NUP155: variants seen among roughly 807,000 people sequenced by gnomAD.
The protein encoded by NUP155 is nuclear pore complex protein Nup155.
In NUP155, 71 loss-of-function variants were observed where a neutral mutation model predicts 180.4. The ratio of observed to expected loss-of-function variants is 0.39; its 90% CI spans 0.33 to 0.48. NUP155 has a LOEUF of 0.48. NUP155 is among the 20% of genes least tolerant of loss of function. The probability of loss-of-function intolerance (pLI) is 0.91; values close to 1 mark genes in which losing one functional copy is unlikely to be tolerated. For synonymous variants in NUP155, 582 were observed against 559.5 expected (o/e 1.04, Z -0.57); for missense variants, 1,553 against 1,648.9 (o/e 0.94, Z 1.01).
chr5:37,332,235 C>T (rs576460100), intron 13 of NUP155, among the ~76,000 whole-genome samples: 3 of 127,826 alleles, frequency 2.3e-5, no homozygotes, highest in South Asian at 2.8e-4. Context: ...CCAAATAGAT[C>T]AAAAGACTTA....
rs748510365 is a variant in NUP155 at position 37,324,015 on chromosome 5, T to G, written c.2184A>C (p.Ala728=). Residue 728 remains alanine, a synonymous_variant, in exon 20 of 35, where the codon GCA becomes GCC. Coordinates refer to ENST00000231498, the MANE Select transcript of NUP155 (RefSeq NM_153485.3). ...QEFLDRNSQF[A]GGPLGNPNTT... is the part of the protein sequence containing the mutation. ...ACTTTGGATTTCCTAATGGTCCTCC[T>G]GCAAACTGGGAGTTTCTGTCTAGAA... 12 of 1,611,306 alleles carry G rather than the reference T, an allele frequency of 7.4e-6. 1 individual carries two copies. In the South Asian group the frequency reaches 1.2e-4, roughly 16 times the overall value.
chr5:37,354,807 T>C (rs1294552873), intron 4 of NUP155, among the ~76,000 whole-genome samples: 1 of 151,330 alleles, frequency 6.6e-6, no homozygotes, highest in Non-Finnish European at 1.5e-5. Flanking sequence ...AAATGTCGGT[T>C]TGGGCTGGGC....
At chr5:37,360,574 T>C (rs1443075013) in intron 3 of NUP155, among the ~76,000 whole-genome samples, 2 of 148,278 alleles carry the variant, frequency 1.3e-5, no homozygotes, top group Non-Finnish European at 1.5e-5. Context: ...TCACCTGAGG[T>C]CAGGAATTCG....
rs1239709674 is a variant in NUP155 at position 37,304,765 on chromosome 5, C to G, written c.3136G>C (p.Val1046Leu). The change falls in exon 27 of 35, where the codon GTC (valine) becomes CTC (leucine). Residue 1046 changes from valine (V) to leucine (L), a missense_variant. Val to Leu is a conservative substitution (Grantham distance 32). Coordinates refer to ENST00000231498, the MANE Select transcript of NUP155 (RefSeq NM_153485.3). ...SIALYNWLIQ[V>L]DLADKLLQVA... ...TGTAGCAGCTTATCTGCAAGGTCGA[C>G]TTGTATTAGCCAATTATAAAGGGCA... The G allele has an allele frequency of 1.9e-6, 3 of 1,612,876 alleles. No homozygotes were observed. The highest frequency in any genetic ancestry group is 2.5e-6 in the Non-Finnish European group (3 of 1,179,106).
In NUP155 at chr5:37,291,015, T is replaced by A. The variant is rs1742208926; in HGVS notation, c.*885A>T. On this transcript the variant is annotated 3_prime_UTR_variant, in exon 35 of 35. Transcript: ENST00000231498. ...TAAGGGAAAACAGTACCTCCCTGTGTAGGTTTTCAGGACACAACATTAGTT... is the reference window on the plus strand; with the variant it reads ...TAAGGGAAAACAGTACCTCCCTGTGAAGGTTTTCAGGACACAACATTAGTT... 6.6e-6 allele frequency: 1 copy of A among 152,210 alleles called. No individual in the cohort carries two copies. Among genetic ancestry groups the A allele is most frequent in the Admixed American group, 6.6e-5 (1 of 15,262 alleles). The allele number at this position is 152,210 out of a possible 1,614,324, so 9.4% of individuals were successfully genotyped here.
At chr5:37,342,248 T>C (rs966567544) in intron 10 of NUP155, 6 of 276,034 alleles carry the variant, frequency 2.2e-5, no homozygotes, top group Admixed American at 4.9e-5. Context: ...GGTTTCACCA[T>C]GTTGCTCAGG....
chr5:37,338,196 T>C (rs1745470956), intron 11 of NUP155, among the ~76,000 whole-genome samples: 1 of 150,192 alleles, frequency 6.7e-6, no homozygotes, highest in African/African-American at 2.4e-5. Context: ...CAGGCACCTG[T>C]AATCCCAGCT....
Position 37,310,559 on chromosome 5 carries a change from C to G in NUP155, c.2621G>C (p.Cys874Ser). 6.2e-7 allele frequency: 1 copy of G among 1,611,982 alleles called. No homozygotes were observed. The highest frequency in any genetic ancestry group is 8.5e-7 in the Non-Finnish European group (1 of 1,178,478). The change falls in exon 23 of 35, where the codon TGT (cysteine) becomes TCT (serine). Residue 874 changes from cysteine (C) to serine (S), a missense_variant. By Grantham distance (112) the Cys-to-Ser change is moderately radical. Transcript: ENST00000231498. The part of the protein sequence containing the change: ...PLLYSTDDAI[C>S]SKANELLQRS... ...GGTAATAAAGTATCATACCTTAGAACAAATTGCATCATCAGTGCTATATAG... is the reference window on the plus strand; with the variant it reads ...GGTAATAAAGTATCATACCTTAGAAGAAATTGCATCATCAGTGCTATATAG...
chr5:37,346,676 AC>A (rs199629050), intron 9 of NUP155, among the ~76,000 whole-genome samples: 2,089 of 148,900 alleles, frequency 0.014, 49 homozygotes, highest in African/African-American at 0.049. Context: ...TGTCTCGGAA[AC>A]AAAAAAAAAA....
At chr5:37,316,745 G>C (rs1340408154) in intron 21 of NUP155, among the ~76,000 whole-genome samples, 1 of 152,004 alleles carries the variant, frequency 6.6e-6, no homozygotes, top group Non-Finnish European at 1.5e-5. Context: ...GATTACAGGT[G>C]AGAGCCACTG....
At chr5:37,296,857 A>G (rs1008224755) in intron 32 of NUP155, among the ~76,000 whole-genome samples, 4 of 152,064 alleles carry the variant, frequency 2.6e-5, no homozygotes, top group African/African-American at 4.8e-5. Flanking sequence ...TTAACTGCCT[A>G]TCTTATCATA....
At chr5:37,321,244 G>A (rs1432458451) in intron 20 of NUP155, among the ~76,000 whole-genome samples, 1 of 152,204 alleles carries the variant, frequency 6.6e-6, no homozygotes, top group African/African-American at 2.4e-5. Context: ...TACTTGGAAG[G>A]GTGAGGCAGG....
chr5:37,297,760 C>T (rs896336035), intron 32 of NUP155, among the ~76,000 whole-genome samples: 8 of 151,986 alleles, frequency 5.3e-5, no homozygotes, highest in African/African-American at 1.9e-4. Context: ...TATGTATTTG[C>T]TCTTTTATTT....
At chr5:37,324,134 G>T in intron 19 of NUP155, 27 bp from the exon 20 acceptor site, 1 of 1,411,396 alleles carries the variant, frequency 7.1e-7, no homozygotes, top group Non-Finnish European at 1.0e-6. Flanking sequence ...TTTTTCAAAA[G>T]TTTAAAAACA....
At chr5:37,355,657 C>T (rs1469547843) in intron 4 of NUP155, among the ~76,000 whole-genome samples, 1 of 151,822 alleles carries the variant, frequency 6.6e-6, no homozygotes, top group Non-Finnish European at 1.5e-5. Flanking sequence ...TGGCTCACTG[C>T]ACGCTCCACC....
intron 10 of NUP155, 96 bp downstream of exon 10, chr5:37,342,453 T>G (rs573052636): frequency 2.6e-6 from 2 of 772,776 alleles, no homozygotes; most frequent in African/African-American, 3.5e-5. Context: ...ACGGCAGATA[T>G]AGAAGGAAAA....
At chr5:37,292,239 G>A (rs1027457126) in intron 34 of NUP155, among the ~76,000 whole-genome samples, 3 of 149,396 alleles carry the variant, frequency 2.0e-5, no homozygotes, top group Non-Finnish European at 3.0e-5. Context: ...TTTTTGAGAC[G>A]GAGTCTCGCT....
At position 37,330,502 on chromosome 5, in the gene NUP155, C is replaced by T. The variant is rs77977024; in HGVS notation, c.1630-370G>A. Among the ~76,000 whole-genome samples the T allele has an allele frequency of 1.5e-3, 235 of 152,274 alleles. 7 individuals are homozygous for T. In the East Asian group the frequency reaches 0.041, roughly 27 times the overall value. On this transcript the variant is annotated intron_variant, in intron 14 of 34. Coordinates refer to ENST00000231498, the MANE Select transcript of NUP155 (RefSeq NM_153485.3). ...TAAGAGTTTAGCATATATTAATCCT[C>T]ATACCACATCCTATTATAATGTATA... is the stretch of plus-strand genomic sequence containing the variant.
At chr5:37,352,266 G>A (rs965431950) in intron 5 of NUP155, among the ~76,000 whole-genome samples, 3 of 152,180 alleles carry the variant, frequency 2.0e-5, no homozygotes, top group African/African-American at 4.8e-5. Context: ...GCTGAGGCAG[G>A]AGAATCGCTT....
Sources: gnomAD v4.1 joint callset for allele counts (sites outside exome capture counted in the v4.1 genomes callset) on GRCh38, gnomAD v4.1.1 for gene constraint, MANE v1.5 for transcripts, NCBI Gene and HGNC (gene_info 2026-07-23, HGNC 2026-07-21) for gene names.